The following CUX1 variants were observed in gnomAD, a reference collection of about 807,000 sequenced individuals.
CUX1 encodes the protein cut like homeobox 1, also known as protein CASP.
A neutral mutation model predicts 158.8 loss-of-function variants in CUX1; 31 were observed. The observed-to-expected ratio is 0.20, with a 90% CI of 0.15 to 0.26. The LOEUF (loss-of-function observed/expected upper bound fraction) is 0.26. Among genes scored for constraint, CUX1 ranks in the 10% least tolerant of loss-of-function variants. The pLI is 1.00. For synonymous variants in CUX1, 879 were observed against 862.1 expected (o/e 1.02, Z -0.34); for missense variants, 1,589 against 2,014.6 (o/e 0.79, Z 4.04).
At chr7:101,977,966 T>G (rs1812920075) in intron 2 of CUX1, among the ~76,000 whole-genome samples, 1 of 147,414 alleles carries the variant, frequency 6.8e-6, no homozygotes, top group African/African-American at 2.5e-5. Context: ...TCTTAAAACG[T>G]TTTTTTTTTC....
At chr7:102,075,026 T>C (rs1030929865) in intron 4 of CUX1, among the ~76,000 whole-genome samples, 2 of 151,978 alleles carry the variant, frequency 1.3e-5, no homozygotes, top group African/African-American at 4.8e-5. Flanking sequence ...ACCTGGCTAA[T>C]TTTTGTATTT....
intron 2 of CUX1, among the ~76,000 whole-genome samples, chr7:101,940,798 G>A (rs1053688259): frequency 1.3e-5 from 2 of 152,112 alleles, no homozygotes; most frequent in South Asian, 4.1e-4. Flanking sequence ...TGTTCACTGA[G>A]GGATTCCAGA....
chr7:102,030,550 A>G (rs896153041), intron 3 of CUX1, among the ~76,000 whole-genome samples: 15 of 152,168 alleles, frequency 9.9e-5, no homozygotes, highest in Non-Finnish European at 5.9e-5. Flanking sequence ...ATTCCAGGTC[A>G]TCTCATATTT....
At chr7:102,243,746 G>A (rs1267919182) in intron 23 of CUX1, among the ~76,000 whole-genome samples, 1 of 151,372 alleles carries the variant, frequency 6.6e-6, no homozygotes. Context: ...CACCCAGCAG[G>A]GGCGGGCTTG....
intron 12 of CUX1, 88 bp downstream of exon 12, chr7:102,189,959 TGGCCC>T: frequency 7.1e-7 from 1 of 1,407,594 alleles, no homozygotes; most frequent in Non-Finnish European, 1.0e-6. Context: ...CAGGAAGCCT[TGGCCC>T]CCTGCCCTCT....
At chr7:101,871,271 AAG>A (rs1359400329) in intron 1 of CUX1, among the ~76,000 whole-genome samples, 1 of 152,126 alleles carries the variant, frequency 6.6e-6, no homozygotes, top group Non-Finnish European at 1.5e-5. Flanking sequence ...AGTGAGGACT[AAG>A]AAGTGATGTA....
intron 8 of CUX1, among the ~76,000 whole-genome samples, chr7:102,117,293 G>A (rs1424840710): frequency 6.7e-6 from 1 of 150,026 alleles, no homozygotes; most frequent in Non-Finnish European, 1.5e-5. Flanking sequence ...AGCTACTGAG[G>A]TGGCTGAGGC....
chr7:102,068,655 G>C (rs1455810256), intron 3 of CUX1, among the ~76,000 whole-genome samples: 1 of 152,154 alleles, frequency 6.6e-6, no homozygotes, highest in African/African-American at 2.4e-5. Context: ...CAAACTGCCC[G>C]GTGGCTCAGG....
chr7:102,263,216 C>T (rs10245513), downstream of CUX1, among the ~76,000 whole-genome samples: 90,911 of 150,446 alleles, frequency 0.6, 27,800 homozygotes, highest in East Asian at 0.8. Context: ...GGTTTCACCA[C>T]ATTGGCCAGG....
intron 20 of CUX1, among the ~76,000 whole-genome samples, chr7:102,222,720 C>T (rs374455624): frequency 2.7e-5 from 4 of 149,804 alleles, no homozygotes; most frequent in Admixed American, 6.7e-5. Context: ...CACACTTGGG[C>T]GCAGGGTGCA....
intron 1 of CUX1, among the ~76,000 whole-genome samples, chr7:101,835,328 C>T (rs780324827): frequency 4.6e-5 from 7 of 152,268 alleles, no homozygotes; most frequent in African/African-American, 7.2e-5. Flanking sequence ...CTGTCTGGGC[C>T]GCATTCTTTT....
chr7:102,226,980 A>G (rs1232010917), intron 20 of CUX1, among the ~76,000 whole-genome samples: 1 of 152,128 alleles, frequency 6.6e-6, no homozygotes, highest in African/African-American at 2.4e-5. Flanking sequence ...GTTCTGGAAA[A>G]TATGGACAAC....
At chr7:102,225,080 C>T (rs1384816154) in intron 20 of CUX1, among the ~76,000 whole-genome samples, 2 of 152,112 alleles carry the variant, frequency 1.3e-5, no homozygotes, top group South Asian at 2.1e-4. Flanking sequence ...TCTGGTGACC[C>T]GGGGGGTGAG....
At chr7:101,831,773 G>A (rs918965598) in intron 1 of CUX1, among the ~76,000 whole-genome samples, 5 of 123,942 alleles carry the variant, frequency 4.0e-5, no homozygotes, top group Admixed American at 1.7e-4. Flanking sequence ...ACAGAGTCTC[G>A]CTCTGTCGCC....
intron 14 of CUX1, chr7:102,264,883 T>C (rs1790686513): frequency 6.6e-6 from 1 of 152,428 alleles, no homozygotes; most frequent in African/African-American, 2.4e-5. Flanking sequence ...GTTCTGCTCT[T>C]AGTACGGATA....
intron 2 of CUX1, among the ~76,000 whole-genome samples, chr7:101,931,293 C>A (rs943599912): frequency 5.3e-5 from 8 of 152,170 alleles, no homozygotes; most frequent in African/African-American, 1.9e-4. Context: ...TCCTGGCAGT[C>A]CCATTGTGTG....
chr7:102,203,194 C>T (rs1795626482), intron 18 of CUX1, among the ~76,000 whole-genome samples: 1 of 152,096 alleles, frequency 6.6e-6, no homozygotes, highest in African/African-American at 2.4e-5. Context: ...CTCCTGACCT[C>T]AAGTGATCTG....
chr7:102,182,094 G>A lies in CUX1; in HGVS notation c.1017+3437G>A, dbSNP rs545834527. Among the ~76,000 whole-genome samples, 8 of 152,262 alleles carry A rather than the reference G, an allele frequency of 5.3e-5. No homozygotes were observed. The South Asian group carries it at 1.5e-3, about 28-fold the overall frequency. ...GGGGGACCCTCGGACACACGATGGG[G>A]CCTTGAATCAGGTTGCTGTTTGGGA... On this transcript the variant is annotated intron_variant, in intron 11 of 23. Transcript: ENST00000292535.
chr7:101,824,467 C>A (rs1793034671), intron 1 of CUX1: 1 of 152,192 alleles, frequency 6.6e-6, no homozygotes, highest in African/African-American at 2.4e-5. Context: ...CTTTCCCCTC[C>A]TGTTTCTAGG....
Sources: allele counts gnomAD v4.1 joint callset (sites outside exome capture counted in the v4.1 genomes callset), GRCh38; gene constraint gnomAD v4.1.1; transcripts MANE v1.5; gene names NCBI Gene and HGNC (gene_info 2026-07-23, HGNC 2026-07-21).